DNAH5: variants seen among roughly 807,000 people sequenced by gnomAD.
DNAH5 encodes the protein axonemal beta dynein heavy chain 5.
A neutral mutation model predicts 518.2 loss-of-function variants in DNAH5; 372 were observed. The ratio of observed to expected loss-of-function variants is 0.72; its 90% CI spans 0.66 to 0.78. DNAH5 has a LOEUF of 0.78. Among genes scored for constraint, DNAH5 ranks in the 30% least tolerant of loss-of-function variants. The pLI, the probability that DNAH5 is intolerant of heterozygous loss-of-function variation, is 0.00. For synonymous variants in DNAH5, 2,039 were observed against 2,025.9 expected, an observed-to-expected ratio of 1.01 and a Z score of -0.17; for missense variants, 5,523 against 5,687.0, an observed-to-expected ratio of 0.97 and a Z score of 0.93.
At chr5:13,841,936 A>AAAAG (rs1561405464) in intron 32 of DNAH5, 32 bp from the exon 33 acceptor site, 5 of 1,072,840 alleles carry the variant, frequency 4.7e-6, no homozygotes, top group African/African-American at 1.6e-5. Context: ...AAAAAAAAAA[A>AAAAG]AGCTATAGTC....
intron 70 of DNAH5, among the ~76,000 whole-genome samples, chr5:13,727,023 C>A (rs1745830380): frequency 6.6e-6 from 1 of 152,192 alleles, no homozygotes; most frequent in African/African-American, 2.4e-5. Flanking sequence ...AGTTGTAAGA[C>A]AACCTTACTG....
intron 72 of DNAH5, among the ~76,000 whole-genome samples, chr5:13,718,555 A>G (rs1744611287): frequency 6.6e-6 from 1 of 152,206 alleles, no homozygotes. Context: ...CTTGGAAGAG[A>G]CTACTGTACT....
chr5:13,921,737 G>A (rs1238612878), intron 5 of DNAH5, among the ~76,000 whole-genome samples: 1 of 111,730 alleles, frequency 9.0e-6, no homozygotes, highest in African/African-American at 3.6e-5. Flanking sequence ...ACCTCCATCT[G>A]CCGCCCACAC....
intron 1 of DNAH5, among the ~76,000 whole-genome samples, chr5:13,969,838 T>C (rs889285168): frequency 4.6e-5 from 7 of 152,176 alleles, no homozygotes; most frequent in Non-Finnish European, 1.0e-4. Flanking sequence ...TTCTAGGGTA[T>C]AGTTTAAGTC....
chr5:13,840,701 T>A (rs1047016665), intron 34 of DNAH5, among the ~76,000 whole-genome samples: 3 of 152,204 alleles, frequency 2.0e-5, no homozygotes, highest in Non-Finnish European at 4.4e-5. Flanking sequence ...ATTGCCTCAA[T>A]AACATCTTAG....
chr5:13,920,569 G>C lies in DNAH5; in HGVS notation c.709C>G (p.Pro237Ala). The stretch of plus-strand genomic sequence containing the variant: ...TTTGCTAGAGTCAAGTAGTCCGTAG[G>C]TTCCTTTAGGGTTTTCAGTTCAAGT... ...DILELKTLKE[P>A]TDYLTLANNP... The change falls in exon 6 of 79, where the codon CCT becomes GCT. Residue 237 changes from proline to alanine, a missense_variant. Coordinates refer to ENST00000265104, the MANE Select transcript of DNAH5 (RefSeq NM_001369.3). The C allele has an allele frequency of 1.2e-6, 2 of 1,614,098 alleles. No homozygotes were observed.
intron 35 of DNAH5, among the ~76,000 whole-genome samples, chr5:13,838,959 T>C (rs115995795): frequency 0.037 from 5,541 of 151,098 alleles, 143 homozygotes; most frequent in Middle Eastern, 0.059. Flanking sequence ...TTTACCTGCA[T>C]TGATACTCAA....
At chr5:13,971,866 C>A (rs1160722919) in intron 1 of DNAH5, among the ~76,000 whole-genome samples, 3 of 152,072 alleles carry the variant, frequency 2.0e-5, no homozygotes. Context: ...AGGTGGTGGG[C>A]AGGGCCATAG....
At chr5:13,713,974 G>A (rs1359279666) in intron 75 of DNAH5, among the ~76,000 whole-genome samples, 2 of 152,142 alleles carry the variant, frequency 1.3e-5, no homozygotes, top group Non-Finnish European at 2.9e-5. Flanking sequence ...AGCTGCAGAG[G>A]TAATGATATA....
intron 12 of DNAH5, among the ~76,000 whole-genome samples, chr5:13,902,388 G>A (rs1179438289): frequency 3.9e-5 from 6 of 152,192 alleles, no homozygotes; most frequent in Non-Finnish European, 8.8e-5. Flanking sequence ...ACAGAGCCTG[G>A]GGGGTGGCAC....
intron 50 of DNAH5, 118 bp from the exon 51 acceptor site, chr5:13,789,032 G>T: frequency 1.1e-6 from 1 of 938,996 alleles, no homozygotes. Context: ...ATTTTAAAAA[G>T]TTAGGGTTCA....
At chr5:13,923,913 G>A (rs375790134) in intron 3 of DNAH5, among the ~76,000 whole-genome samples, 18 of 152,244 alleles carry the variant, frequency 1.2e-4, no homozygotes, top group African/African-American at 1.9e-4. Flanking sequence ...GGGCGTGGTC[G>A]TGGGCACCTG....
intron 17 of DNAH5, among the ~76,000 whole-genome samples, chr5:13,886,940 G>C (rs1195484494): frequency 1.3e-5 from 2 of 152,214 alleles, no homozygotes; most frequent in Admixed American, 1.3e-4. Context: ...CTGGCATAAA[G>C]TAAGCACACA....
intron 3 of DNAH5, among the ~76,000 whole-genome samples, chr5:13,926,410 A>G (rs1321720847): frequency 6.6e-6 from 1 of 152,138 alleles, no homozygotes; most frequent in Non-Finnish European, 1.5e-5. Flanking sequence ...CTCTGGCCTC[A>G]CACAGTCAGC....
chr5:13,769,659 C>T, intron 56 of DNAH5, 44 bp from the exon 57 acceptor site: 1 of 1,504,066 alleles, frequency 6.6e-7, no homozygotes, highest in Non-Finnish European at 9.3e-7. Flanking sequence ...ATGTGTAGGA[C>T]TTGGATGCAA....
chr5:13,793,367 G>T lies in DNAH5; in HGVS notation c.8224+148C>A, dbSNP rs1165681370. The T allele has an allele frequency of 5.7e-6, 4 of 705,938 alleles. No individual in the cohort carries two copies. The Admixed American group carries it at 6.4e-5, about 11-fold the overall frequency. 43.7% of individuals were successfully genotyped at this position (705,938 alleles called of 1,614,324 possible). On this transcript the variant is annotated intron_variant, in intron 49 of 78. Transcript: ENST00000265104. ...CCTAGAATCAATCCCTATAGGAAATGAAATACACTGCTTGAGAGTGATGGA... is the reference window on the plus strand; with the variant it reads ...CCTAGAATCAATCCCTATAGGAAATTAAATACACTGCTTGAGAGTGATGGA...
At chr5:13,886,285 G>A (rs1178187666) in intron 17 of DNAH5, among the ~76,000 whole-genome samples, 156 bp from the exon 18 acceptor site, 1 of 152,184 alleles carries the variant, frequency 6.6e-6, no homozygotes, top group East Asian at 1.9e-4. Context: ...AATAGCACAG[G>A]CCAGGTGTCC....
chr5:13,891,713 T>G (rs1302163162), intron 16 of DNAH5, among the ~76,000 whole-genome samples: 1 of 150,462 alleles, frequency 6.6e-6, no homozygotes, highest in Non-Finnish European at 1.5e-5. Flanking sequence ...CTGGTGCCTA[T>G]TCCACAAGAA....
At position 13,839,358 on chromosome 5, in the gene DNAH5, G is replaced by T; in HGVS notation, c.5880C>A (p.Asp1960Glu). 1 of 1,613,918 alleles carries T rather than the reference G, an allele frequency of 6.2e-7. No individual in the cohort carries two copies. Among genetic ancestry groups the T allele is most frequent in the Non-Finnish European group, 8.5e-7 (1 of 1,179,826 alleles). ...TDRLVITPLT[D>E]RCYITLAQAL... Reference sequence around the variant, plus strand: ...GTTGGGGAGAAGGGTTCCATCACCTGTCTGTAAGTGGAGTTATTACAAGCC... The same window carrying T: ...GTTGGGGAGAAGGGTTCCATCACCTTTCTGTAAGTGGAGTTATTACAAGCC... The change falls in exon 35 of 79, where the codon GAC becomes GAA. Residue 1960 changes from aspartate (D) to glutamate (E), a missense_variant and splice_region_variant. Coordinates refer to ENST00000265104, the MANE Select transcript of DNAH5 (RefSeq NM_001369.3).
Sources: gnomAD v4.1 joint callset for allele counts (sites outside exome capture counted in the v4.1 genomes callset) on GRCh38, gnomAD v4.1.1 for gene constraint, MANE v1.5 for transcripts, NCBI Gene and HGNC (gene_info 2026-07-23, HGNC 2026-07-21) for gene names.